The following NAV2 variants were observed in gnomAD, a reference collection of about 807,000 sequenced individuals.
The protein encoded by NAV2 is neuron navigator 2.
NAV2 carries 54 observed loss-of-function variants against 223.2 expected under a neutral mutation model. The ratio of observed to expected loss-of-function variants is 0.24; its 90% confidence interval spans 0.19 to 0.30. NAV2 has a LOEUF of 0.30. NAV2 is among the 10% of genes least tolerant of loss of function. The pLI, the probability that NAV2 is intolerant of heterozygous loss-of-function variation, is 1.00. For synonymous variants in NAV2, 1,279 were observed against 1,239.3 expected (o/e 1.03, Z -0.67); for missense variants, 2,806 against 3,147.5 (o/e 0.89, Z 2.60).
rs758948604 is a variant in NAV2, at chr11:19,933,369, G to A, written c.1125G>A (p.Ser375=). 105 of 1,592,794 alleles carry A rather than the reference G, an allele frequency of 6.6e-5. No homozygotes were observed. In the Middle Eastern group the frequency reaches 6.7e-4, roughly 10 times the overall value. ...ACAGTGCCACGGTATCCATGCTCTC[G>A]GTCAAGCCTCCTGGGCCTGAGGCCC... The part of the protein sequence containing the change: ...VKHSATVSML[S]VKPPGPEAPR... The change falls in exon 7 of 38, where the codon TCG becomes TCA. Residue 375 remains serine (S), a synonymous_variant. Coordinates refer to ENST00000349880, the MANE Select transcript of NAV2 (RefSeq NM_145117.5). This position sits in a 1 kb window ranked among gnomAD's most constrained non-coding sequence, Gnocchi z 4.3.
chr11:19,381,818 A>G (rs1421147445), intron 1 of NAV2, among the ~76,000 whole-genome samples: 1 of 152,206 alleles, frequency 6.6e-6, no homozygotes, highest in Admixed American at 6.5e-5. Context: ...AGCCAGAGAA[A>G]GAGAGATGGG....
At chr11:19,601,683 G>C (rs1332494261) in intron 1 of NAV2, among the ~76,000 whole-genome samples, 1 of 152,080 alleles carries the variant, frequency 6.6e-6, no homozygotes, top group African/African-American at 2.4e-5. Flanking sequence ...ATCTTGGTGG[G>C]GACACAGAGC....
chr11:19,981,231 G>A (rs2050256884), intron 10 of NAV2: 1 of 152,222 alleles, frequency 6.6e-6, no homozygotes, highest in South Asian at 2.1e-4. Context: ...AGCAAGCCCA[G>A]CTCACATGTT....
At chr11:19,765,870 C>A (rs2055184273) in intron 1 of NAV2, among the ~76,000 whole-genome samples, 1 of 152,120 alleles carries the variant, frequency 6.6e-6, no homozygotes, top group Non-Finnish European at 1.5e-5. Context: ...AATGCTCTCC[C>A]CACTCCACCC....
chr11:19,566,202 C>T (rs11820785), intron 1 of NAV2, among the ~76,000 whole-genome samples: 10,247 of 152,012 alleles, frequency 0.067, 1,178 homozygotes, highest in African/African-American at 0.24. Context: ...TTCTGAGTAG[C>T]TGGGACTACA....
chr11:19,478,668 A>C (rs2042192250), intron 1 of NAV2, among the ~76,000 whole-genome samples: 3 of 152,218 alleles, frequency 2.0e-5, no homozygotes, highest in Non-Finnish European at 4.4e-5. Flanking sequence ...TGACCAACCA[A>C]GACAAAAGCC....
chr11:19,681,067 T>C (rs746522016), intron 1 of NAV2, among the ~76,000 whole-genome samples: 16 of 152,208 alleles, frequency 1.1e-4, no homozygotes, highest in Non-Finnish European at 2.4e-4. Context: ...ATTATCATTA[T>C]CCCCACTTAC....
chr11:19,815,443 A>G (rs2059044248), intron 1 of NAV2, among the ~76,000 whole-genome samples: 2 of 152,250 alleles, frequency 1.3e-5, no homozygotes, highest in South Asian at 4.1e-4. Flanking sequence ...AAAAATAGAC[A>G]TTTCAATAGG....
intron 1 of NAV2, among the ~76,000 whole-genome samples, chr11:19,499,421 T>A (rs2042894567): frequency 6.6e-6 from 1 of 152,180 alleles, no homozygotes; most frequent in Non-Finnish European, 1.5e-5. Context: ...TTGCAGTTGG[T>A]GAAATCTGAC....
chr11:19,504,025 C>T (rs893212470), intron 1 of NAV2, among the ~76,000 whole-genome samples: 55 of 152,184 alleles, frequency 3.6e-4, no homozygotes, highest in African/African-American at 1.3e-3. Flanking sequence ...AGACACCTCA[C>T]CAAGATATAC....
At chr11:19,696,200 C>T (rs1164644730) in intron 1 of NAV2, among the ~76,000 whole-genome samples, 1 of 152,192 alleles carries the variant, frequency 6.6e-6, no homozygotes, top group Non-Finnish European at 1.5e-5. Context: ...TGGCTTGCCA[C>T]CAACGCCATT....
Position 19,600,523 on chromosome 11 carries a change from G to A in NAV2, c.76-231961G>A, listed in dbSNP as rs1042078675. On this transcript the variant is annotated intron_variant, in intron 1 of 37. Transcript: ENST00000360655. The stretch of plus-strand genomic sequence containing the variant: ...CTGATCCCCCAAAACTTTTGAGGAG[G>A]GGCTGCTGTCATCATCTACAGTACA... Among the ~76,000 whole-genome samples, 4 of 152,270 alleles carry A rather than the reference G, an allele frequency of 2.6e-5. No homozygotes were observed. The Middle Eastern group carries it at 0.01, about 388-fold the overall frequency.
intron 11 of NAV2, among the ~76,000 whole-genome samples, chr11:20,009,639 A>G (rs774518413): frequency 6.6e-6 from 1 of 152,104 alleles, no homozygotes; most frequent in Non-Finnish European, 1.5e-5. Context: ...ATGCCTGTCT[A>G]TGAGCTTCCG....
Position 20,049,237 on chromosome 11 carries a change from C to G in NAV2, c.4370+42C>G, listed in dbSNP as rs74578114. 390 of 1,379,610 alleles carry G rather than the reference C, an allele frequency of 2.8e-4. 3 individuals are homozygous for G. The East Asian group carries it at 8.9e-3, about 32-fold the overall frequency. The allele number at this position is 1,379,610 out of a possible 1,614,324, so 85.5% of individuals were successfully genotyped here. ...TGGCTGCCTTTCTCAGAAAGACACCCTTCCAAAAATAAAAAGATTAGCTTA... is the reference window on the plus strand; with the variant it reads ...TGGCTGCCTTTCTCAGAAAGACACCGTTCCAAAAATAAAAAGATTAGCTTA... On this transcript the variant is annotated intron_variant, in intron 15 of 37. Transcript: ENST00000349880.
chr11:19,458,450 AT>A (rs1199319204), intron 1 of NAV2, among the ~76,000 whole-genome samples: 2 of 152,258 alleles, frequency 1.3e-5, no homozygotes, highest in Non-Finnish European at 2.9e-5. Context: ...AGCCATGCAT[AT>A]GCCTTGGGAA....
At chr11:20,017,621 C>T (rs754540204) in intron 11 of NAV2, among the ~76,000 whole-genome samples, 1 of 152,214 alleles carries the variant, frequency 6.6e-6, no homozygotes, top group African/African-American at 2.4e-5. Context: ...TCCTTTTCCT[C>T]CGCCTTATAT....
intron 1 of NAV2, among the ~76,000 whole-genome samples, chr11:19,670,003 C>G (rs112353462): frequency 5.3e-4 from 81 of 152,322 alleles, no homozygotes; most frequent in African/African-American, 1.9e-3. Context: ...CAGTTTGCCA[C>G]AAAGTCCCAT....
chr11:19,804,787 G>A (rs2152786897), intron 1 of NAV2, among the ~76,000 whole-genome samples: 1 of 152,342 alleles, frequency 6.6e-6, no homozygotes, highest in South Asian at 2.1e-4. Flanking sequence ...TAGGGGATAA[G>A]ACATGTAAGA....
At chr11:19,390,698 AG>A (rs1849214076) in intron 1 of NAV2, among the ~76,000 whole-genome samples, 1 of 152,236 alleles carries the variant, frequency 6.6e-6, no homozygotes, top group Admixed American at 6.5e-5. Context: ...TAAGTGGTGA[AG>A]GGGAGGGGAG....
Sources: allele counts gnomAD v4.1 joint callset (sites outside exome capture counted in the v4.1 genomes callset), GRCh38; gene constraint gnomAD v4.1.1; non-coding constraint Gnocchi (gnomAD v3.1); transcripts MANE v1.5; gene names NCBI Gene and HGNC (gene_info 2026-07-23, HGNC 2026-07-21).